The following PITPNC1 variants were observed in gnomAD, a reference collection of about 807,000 sequenced individuals.
The protein encoded by PITPNC1 is phosphatidylinositol transfer protein cytoplasmic 1.
Under a neutral mutation model 44.7 loss-of-function variants are expected in PITPNC1, and 18 were observed. That is an observed-to-expected ratio of 0.40 (90% confidence interval 0.28 to 0.60). The LOEUF (loss-of-function observed/expected upper bound fraction) is 0.60. Among genes scored for constraint, PITPNC1 ranks in the 20% least tolerant of loss-of-function variants. PITPNC1 has a pLI of 0.39. For synonymous variants in PITPNC1, 141 were observed against 149.6 expected (o/e 0.94, Z 0.42); for missense variants, 290 against 418.4 (o/e 0.69, Z 2.68).
intron 5 of PITPNC1, among the ~76,000 whole-genome samples, chr17:67,619,104 G>A (rs987206293): frequency 2.0e-5 from 3 of 152,072 alleles, no homozygotes; most frequent in African/African-American, 7.2e-5. Flanking sequence ...TCTAGTTCCT[G>A]AGAAACTTTT....
chr17:67,659,830 AG>A (rs1230235465), intron 6 of PITPNC1, among the ~76,000 whole-genome samples: 7 of 152,196 alleles, frequency 4.6e-5, no homozygotes, highest in Admixed American at 4.6e-4. Flanking sequence ...TTTGGACATA[AG>A]TATACACCTG....
Position 67,669,666 on chromosome 17 carries a change from A to G in PITPNC1, c.618+3A>G, listed in dbSNP as rs1253617126. On this transcript the variant is annotated splice_donor_region_variant and intron_variant, in intron 7 of 8. Coordinates refer to ENST00000581322, the MANE Select transcript of PITPNC1 (RefSeq NM_012417.4). ...GAGTGGAACAATTTGTACACAAGGT[A>G]AGTGGTCCAACAGCAGTTCCTGGGC... The G allele has an allele frequency of 5.7e-6, 9 of 1,585,186 alleles. No individual in the cohort carries two copies. The highest frequency in any genetic ancestry group is 7.7e-6 in the Non-Finnish European group (9 of 1,164,828).
intron 1 of PITPNC1, among the ~76,000 whole-genome samples, chr17:67,504,569 G>A (rs17654732): frequency 0.1 from 15,530 of 152,246 alleles, 1,057 homozygotes; most frequent in Middle Eastern, 0.2. Context: ...GAAGACCTGG[G>A]AAACGTTTTG....
chr17:67,421,043 G>A (rs1328633394), intron 1 of PITPNC1, among the ~76,000 whole-genome samples: 1 of 152,080 alleles, frequency 6.6e-6, no homozygotes, highest in Non-Finnish European at 1.5e-5. Flanking sequence ...GTCCTTCTGG[G>A]TGCAGAAGGG....
At chr17:67,582,945 C>T (rs369607253) in intron 5 of PITPNC1, among the ~76,000 whole-genome samples, 9 of 152,318 alleles carry the variant, frequency 5.9e-5, no homozygotes, top group East Asian at 5.8e-4. Flanking sequence ...TGGGGGCAGC[C>T]TTGCTACTTT....
intron 5 of PITPNC1, among the ~76,000 whole-genome samples, chr17:67,588,302 C>A (rs762541134): frequency 9.2e-5 from 14 of 152,318 alleles, no homozygotes; most frequent in Admixed American, 3.9e-4. Context: ...CCGTGCCCAG[C>A]CGTGAAGTCT....
intron 1 of PITPNC1, among the ~76,000 whole-genome samples, chr17:67,430,814 T>C (rs1265518988): frequency 6.6e-6 from 1 of 151,258 alleles, no homozygotes; most frequent in Non-Finnish European, 1.5e-5. Context: ...ATTAGACATA[T>C]GCAGTGGCAT....
chr17:67,482,939 TG>T (rs2039723325), intron 1 of PITPNC1, among the ~76,000 whole-genome samples: 1 of 152,158 alleles, frequency 6.6e-6, no homozygotes, highest in Non-Finnish European at 1.5e-5. Flanking sequence ...CTAGGAACCG[TG>T]GGTCTGACTC....
rs183625259 is a variant in PITPNC1 at position 67,676,579 on chromosome 17, T to C, written c.682+1037T>C. ...TCTGATTTTCAGGTCGATTGTCTAA[T>C]GAAATGCCCTTCTCCTTGGCCTTTT... On this transcript the variant is annotated intron_variant, in intron 8 of 8. Transcript: ENST00000581322. This position sits in a 1 kb window ranked among gnomAD's most constrained non-coding sequence, Gnocchi z 4.0. Among the ~76,000 whole-genome samples, 11 of 152,298 alleles carry C rather than the reference T, an allele frequency of 7.2e-5. No homozygotes were observed. The East Asian group carries it at 1.7e-3, about 24-fold the overall frequency.
At chr17:67,391,576 G>T (rs1339578420) in intron 1 of PITPNC1, among the ~76,000 whole-genome samples, 3 of 152,068 alleles carry the variant, frequency 2.0e-5, no homozygotes, top group Non-Finnish European at 2.9e-5. Flanking sequence ...CGCCTCCTGG[G>T]TTCAAGTGAT....
intron 1 of PITPNC1, among the ~76,000 whole-genome samples, chr17:67,528,894 G>C (rs946700725): frequency 3.3e-5 from 5 of 152,034 alleles, no homozygotes; most frequent in African/African-American, 1.2e-4. Context: ...GAGTCAATAC[G>C]AGATTTAAAA....
chr17:67,457,110 A>AC (rs1424350230), intron 1 of PITPNC1: 4 of 151,818 alleles, frequency 2.6e-5, no homozygotes, highest in Admixed American at 2.0e-4. Flanking sequence ...CTATCACTTC[A>AC]CCCCTCCTTA....
chr17:67,551,490 G>A (rs1465784757), intron 2 of PITPNC1, among the ~76,000 whole-genome samples: 3 of 152,156 alleles, frequency 2.0e-5, no homozygotes, highest in Non-Finnish European at 4.4e-5. Flanking sequence ...TTGGCTTGCA[G>A]CAACATCATT....
At chr17:67,678,066 A>G (rs1399710542) in intron 8 of PITPNC1, among the ~76,000 whole-genome samples, 1 of 152,100 alleles carries the variant, frequency 6.6e-6, no homozygotes, top group African/African-American at 2.4e-5. Context: ...AATAAATAAA[A>G]TTAGCCAGGC....
At chr17:67,400,579 C>G (rs1442541113) in intron 1 of PITPNC1, among the ~76,000 whole-genome samples, 2 of 152,046 alleles carry the variant, frequency 1.3e-5, no homozygotes, top group Non-Finnish European at 2.9e-5. Flanking sequence ...CAAGTAGTGC[C>G]GTGCTGATTT....
chr17:67,495,116 G>C, intron 1 of PITPNC1, among the ~76,000 whole-genome samples: 1 of 134,254 alleles, frequency 7.4e-6, no homozygotes. Flanking sequence ...GAGTGCAGTG[G>C]CGCTATCTCG....
chr17:67,592,800 G>A (rs577941286), intron 5 of PITPNC1, among the ~76,000 whole-genome samples: 2 of 152,316 alleles, frequency 1.3e-5, no homozygotes, highest in South Asian at 4.2e-4. Flanking sequence ...ACTTTGGGAG[G>A]CCAAGGCAAG....
At chr17:67,415,110 A>G (rs35967455) in intron 1 of PITPNC1, among the ~76,000 whole-genome samples, 12,155 of 151,866 alleles carry the variant, frequency 0.08, 509 homozygotes, top group African/African-American at 0.11. Flanking sequence ...GAACTCCTGA[A>G]CTCAAGCCAT....
intron 1 of PITPNC1, among the ~76,000 whole-genome samples, chr17:67,392,311 C>A (rs935727527): frequency 6.6e-6 from 1 of 152,162 alleles, no homozygotes; most frequent in Non-Finnish European, 1.5e-5. Context: ...GCCTTGGAAA[C>A]CCCCAGCTCA....
Sources: gnomAD v4.1 joint callset for allele counts (sites outside exome capture counted in the v4.1 genomes callset) on GRCh38, gnomAD v4.1.1 for gene constraint, Gnocchi (gnomAD v3.1) non-coding constraint, MANE v1.5 for transcripts, NCBI Gene and HGNC (gene_info 2026-07-23, HGNC 2026-07-21) for gene names.